The following PCDH7 variants were observed in gnomAD, a reference collection of about 807,000 sequenced individuals.
PCDH7 encodes protocadherin-7.
In PCDH7, 17 loss-of-function variants were observed where a neutral mutation model predicts 58.9. The ratio of observed to expected loss-of-function variants is 0.29; its 90% CI spans 0.20 to 0.43. PCDH7 has a LOEUF of 0.43. Ranked by LOEUF, PCDH7 falls within the 20% of genes least tolerant of loss-of-function variation. The pLI, the probability that PCDH7 is intolerant of heterozygous loss-of-function variation, is 1.00. For missense variants in PCDH7, 1,274 were observed against 1,441.0 expected (o/e 0.88, Z 1.88); for synonymous variants, 664 against 616.4 (o/e 1.08, Z -1.14).
chr4:30,733,349 G>A (rs948337757), downstream of PCDH7, among the ~76,000 whole-genome samples: 1 of 151,432 alleles, frequency 6.6e-6, no homozygotes, highest in Non-Finnish European at 1.5e-5. Context: ...TATCAGTACC[G>A]GTCCTGGTAC....
intron 3 of PCDH7, among the ~76,000 whole-genome samples, chr4:31,033,496 CA>C (rs1363280845): frequency 3.3e-5 from 5 of 152,280 alleles, no homozygotes; most frequent in South Asian, 2.1e-4. Flanking sequence ...GAATTTGCTT[CA>C]ACATGCTAAC....
chr4:30,898,916 C>A (rs1206441977), intron 1 of PCDH7, among the ~76,000 whole-genome samples: 2 of 151,846 alleles, frequency 1.3e-5, no homozygotes, highest in African/African-American at 4.8e-5. Context: ...TTAGCAAATG[C>A]CTTTTTTTTT....
intron 1 of PCDH7, among the ~76,000 whole-genome samples, chr4:30,787,174 A>G (rs1723513665): frequency 6.6e-6 from 1 of 152,014 alleles, no homozygotes; most frequent in Non-Finnish European, 1.5e-5. Flanking sequence ...AAGAGTGTGG[A>G]TATGTATCTT....
intron 3 of PCDH7, among the ~76,000 whole-genome samples, chr4:31,123,963 C>G (rs1258526221): frequency 6.6e-6 from 1 of 152,152 alleles, no homozygotes; most frequent in Non-Finnish European, 1.5e-5. Context: ...CTTCTCCTCT[C>G]AACGTCCAGA....
intron 1 of PCDH7, among the ~76,000 whole-genome samples, chr4:30,776,900 A>G (rs968459040): frequency 6.6e-6 from 1 of 151,362 alleles, no homozygotes; most frequent in Non-Finnish European, 1.5e-5. Context: ...TGGGAGAGAG[A>G]GTTTCAGTTA....
chr4:30,783,893 G>A (rs1723092104), intron 1 of PCDH7, among the ~76,000 whole-genome samples: 1 of 152,052 alleles, frequency 6.6e-6, no homozygotes, highest in Non-Finnish European at 1.5e-5. Flanking sequence ...AGATAACCTG[G>A]TAGAAGCTGC....
chr4:30,741,099 G>A (rs77697764), intron 1 of PCDH7, among the ~76,000 whole-genome samples: 8 of 151,480 alleles, frequency 5.3e-5, no homozygotes, highest in Admixed American at 2.6e-4. Context: ...CTTTGATATC[G>A]GTTATATAAT....
At chr4:30,924,891 AT>A (rs1743644717) in intron 2 of PCDH7, among the ~76,000 whole-genome samples, 1 of 152,094 alleles carries the variant, frequency 6.6e-6, no homozygotes. Context: ...ATAAAAATAA[AT>A]TAAAAAAAAA....
intron 3 of PCDH7, among the ~76,000 whole-genome samples, chr4:31,028,886 A>G (rs1457645087): frequency 6.6e-6 from 1 of 152,194 alleles, no homozygotes; most frequent in Admixed American, 6.5e-5. Context: ...ATTGTGTCAT[A>G]AAAGCGATTA....
chr4:31,142,787 A>G, exon 4 of PCDH7: 1 of 1,366,950 alleles, frequency 7.3e-7, no homozygotes, highest in Non-Finnish European at 9.8e-7. Flanking sequence ...TCCCCTTACA[A>G]AAACAGGGGA....
intron 3 of PCDH7, among the ~76,000 whole-genome samples, chr4:30,974,480 C>T (rs1405158443): frequency 6.6e-6 from 1 of 151,958 alleles, no homozygotes; most frequent in African/African-American, 2.4e-5. Flanking sequence ...GACTTTCTTC[C>T]ACCACACAAG....
chr4:31,033,475 T>C (rs1755129494), intron 3 of PCDH7, among the ~76,000 whole-genome samples: 1 of 152,202 alleles, frequency 6.6e-6, no homozygotes, highest in African/African-American at 2.4e-5. Flanking sequence ...GAGAGGACTA[T>C]TTTTGCTGCA....
intron 1 of PCDH7, among the ~76,000 whole-genome samples, chr4:30,762,879 T>C (rs1459152146): frequency 2.0e-5 from 3 of 152,180 alleles, no homozygotes; most frequent in Non-Finnish European, 4.4e-5. Context: ...AATCAGAACA[T>C]CCCAAACTTG....
intron 1 of PCDH7, among the ~76,000 whole-genome samples, chr4:30,829,542 A>G (rs577803232): frequency 9.7e-4 from 148 of 152,178 alleles, no homozygotes; most frequent in Non-Finnish European, 1.3e-3. Flanking sequence ...AGGTATCAGT[A>G]TATCAGTATT....
At chr4:30,742,811 C>A (rs578244090) in intron 1 of PCDH7, among the ~76,000 whole-genome samples, 2 of 152,206 alleles carry the variant, frequency 1.3e-5, no homozygotes, top group African/African-American at 2.4e-5. Flanking sequence ...TGCTTCATAT[C>A]AAAAGAAATT....
chr4:31,017,166 C>T (rs1230899213), intron 3 of PCDH7, among the ~76,000 whole-genome samples: 1 of 152,124 alleles, frequency 6.6e-6, no homozygotes, highest in African/African-American at 2.4e-5. Flanking sequence ...TATTATGCAC[C>T]TTTACCTTCT....
At chr4:30,874,472 T>C (rs13136630) in intron 1 of PCDH7, among the ~76,000 whole-genome samples, 35,241 of 146,442 alleles carry the variant, frequency 0.24, 4,194 homozygotes, top group Middle Eastern at 0.29. Flanking sequence ...TTCTCACTCA[T>C]AGGTGGGAAT....
chr4:30,959,981 G>A (rs943208237), intron 3 of PCDH7, among the ~76,000 whole-genome samples: 1 of 151,794 alleles, frequency 6.6e-6, no homozygotes, highest in Non-Finnish European at 1.5e-5. Context: ...TAACCACTCT[G>A]TATTCTATTT....
downstream of PCDH7, chr4:31,146,544 G>C (rs550498869): frequency 6.6e-6 from 1 of 151,896 alleles, no homozygotes; most frequent in Non-Finnish European, 1.5e-5. Flanking sequence ...AGTGTGGTAC[G>C]ATCTGTTTGT....
Sources: allele counts gnomAD v4.1 joint callset (sites outside exome capture counted in the v4.1 genomes callset), GRCh38; gene constraint gnomAD v4.1.1; transcripts MANE v1.5; gene names NCBI Gene and HGNC (gene_info 2026-07-23, HGNC 2026-07-21).